The following SSMEM1 variants were observed in gnomAD, a reference collection of about 807,000 sequenced individuals.
SSMEM1 encodes serine-rich single-pass membrane protein 1.
SSMEM1 carries 12 observed loss-of-function variants against 9.9 expected under a neutral mutation model. That is an observed-to-expected ratio of 1.21 (90% confidence interval 0.78 to 1.96). The LOEUF (loss-of-function observed/expected upper bound fraction) is 1.96, where lower values mean the gene tolerates loss of function less well. SSMEM1 is among the 30% of genes most tolerant of loss of function. The pLI is 0.00. For missense variants in SSMEM1, 259 were observed against 292.2 expected (o/e 0.89, Z 0.83); for synonymous variants, 96 against 98.9 (o/e 0.97, Z 0.17).
chr7:130,207,722 G>T, upstream of SSMEM1: 1 of 707,090 alleles, frequency 1.4e-6, no homozygotes, highest in South Asian at 1.5e-5. Context: ...AACATTCAGA[G>T]GAGTAATTTG....
upstream of SSMEM1, among the ~76,000 whole-genome samples, chr7:130,206,684 T>G (rs537598267): frequency 6.6e-6 from 1 of 152,112 alleles, no homozygotes. Context: ...GGGCTCAAGG[T>G]GCAATCAAAA....
At position 130,213,511 on chromosome 7, in the gene SSMEM1, G is replaced by A. The variant is rs768526884; in HGVS notation, c.215G>A (p.Gly72Glu). The A allele has an allele frequency of 1.2e-6, 2 of 1,611,746 alleles. No homozygotes were observed. The highest frequency in any genetic ancestry group is 1.1e-5 in the South Asian group (1 of 90,914). ...GAGGATAAAAAGGATGAAGGCAGTG[G>A]GACAAGTACTTCAGTAAGGAAAGGT... ...MSEDKKDEGS[G>E]TSTSVRKASK... Residue 72 changes from glycine (G) to glutamate (E), a missense_variant, in exon 2 of 3, where the codon GGG becomes GAG. Coordinates refer to ENST00000297819, the MANE Select transcript of SSMEM1 (RefSeq NM_145268.4).
chr7:130,210,734 G>A (rs149191076), intron 1 of SSMEM1, among the ~76,000 whole-genome samples: 19 of 152,318 alleles, frequency 1.2e-4, no homozygotes, highest in African/African-American at 4.3e-4. Context: ...CACTCACTGA[G>A]TCACAAAGAC....
In SSMEM1 at chr7:130,208,103, CT is replaced by C; in HGVS notation, c.183+17del. ...TAGGGCTTCTGTCTGGGTAGGATAT[CT>C]TTTTTTCATTTTAAATAATATGTTT... On this transcript the variant is annotated intron_variant, in intron 1 of 2. Transcript: ENST00000297819. The C allele has an allele frequency of 1.9e-6, 3 of 1,586,562 alleles. No individual in the cohort carries two copies. The highest frequency in any genetic ancestry group is 1.2e-5 in the South Asian group (1 of 85,322).
chr7:130,213,973 C>T (rs967352929), intron 2 of SSMEM1, among the ~76,000 whole-genome samples: 1 of 152,152 alleles, frequency 6.6e-6, no homozygotes, highest in African/African-American at 2.4e-5. Flanking sequence ...AGCTCTCTCC[C>T]TTCACATTGC....
At chr7:130,205,658 AT>A (rs1798435657), upstream of SSMEM1, among the ~76,000 whole-genome samples, 1 of 152,176 alleles carries the variant, frequency 6.6e-6, no homozygotes, top group South Asian at 2.1e-4. Context: ...AACAAGCTGA[AT>A]TTTGTATCTA....
At chr7:130,215,260 T>C (rs1256794329) in intron 2 of SSMEM1, among the ~76,000 whole-genome samples, 2 of 152,000 alleles carry the variant, frequency 1.3e-5, no homozygotes, top group South Asian at 2.1e-4. Flanking sequence ...GCCGAGATCG[T>C]GCCACTGCAC....
chr7:130,208,434 C>A (rs1798529843), intron 1 of SSMEM1, among the ~76,000 whole-genome samples: 1 of 152,094 alleles, frequency 6.6e-6, no homozygotes, highest in South Asian at 2.1e-4. Context: ...TCATATCCTG[C>A]TTTTTAAGCT....
chr7:130,208,797 T>A (rs948662648), intron 1 of SSMEM1, among the ~76,000 whole-genome samples: 6 of 152,076 alleles, frequency 3.9e-5, no homozygotes, highest in African/African-American at 9.7e-5. Flanking sequence ...AATGCCATCG[T>A]CTTAAGAATG....
At chr7:130,207,564 G>T (rs1798510146), upstream of SSMEM1, among the ~76,000 whole-genome samples, 1 of 152,156 alleles carries the variant, frequency 6.6e-6, no homozygotes, top group Admixed American at 6.5e-5. Flanking sequence ...ATTTGCAATG[G>T]CATGATACAT....
intron 1 of SSMEM1, among the ~76,000 whole-genome samples, chr7:130,212,242 C>A (rs1798604961): frequency 6.6e-6 from 1 of 152,090 alleles, no homozygotes; most frequent in South Asian, 2.1e-4. Context: ...TGAAACTATT[C>A]AAAGAAATCC....
In SSMEM1 at chr7:130,216,455, A is replaced by C. The variant is rs1338504931; in HGVS notation, c.720A>C (p.Lys240Asn). Reference protein sequence around the residue: ...EESSISDINKKFSKF With the variant: ...EESSISDINKNFSKF Reference sequence around the variant, plus strand: ...GTTCCATATCTGACATTAACAAGAAATTTAGTAAATTTTGAATTTTATCAC... The same window carrying C: ...GTTCCATATCTGACATTAACAAGAACTTTAGTAAATTTTGAATTTTATCAC... Residue 240 changes from lysine to asparagine, a missense_variant, in exon 3 of 3, where the codon AAA becomes AAC. Transcript: ENST00000297819. 1 of 1,608,338 alleles carries C rather than the reference A, an allele frequency of 6.2e-7. No individual in the cohort carries two copies. The highest frequency in any genetic ancestry group is 1.1e-5 in the South Asian group (1 of 90,780).
chr7:130,205,595 A>G (rs1798433321), upstream of SSMEM1: 9 of 644,432 alleles, frequency 1.4e-5, no homozygotes, highest in Admixed American at 2.5e-4. Context: ...GGAGAAAGCT[A>G]AGCAGCAAAA....
intron 2 of SSMEM1, among the ~76,000 whole-genome samples, chr7:130,214,948 G>T (rs1798675107): frequency 6.6e-6 from 1 of 152,210 alleles, no homozygotes; most frequent in Non-Finnish European, 1.5e-5. Flanking sequence ...CTGATTTTAA[G>T]CTATCCACCT....
rs373212095 is a variant in SSMEM1 at position 130,216,057 on chromosome 7, C to T, written c.322C>T (p.Gln108Ter). ...SQTMKKPKQN[Q>*]LTPVTNSEVA... is the part of the protein sequence containing the mutation. ...AACAATGAAGAAACCAAAGCAGAAC[C>T]AACTTACCCCTGTAACCAACTCAGA... The change falls in exon 3 of 3, where the codon CAA (glutamine) becomes TAA (stop). Residue 108 changes from glutamine to a stop codon, truncating the protein, a stop_gained. Transcript: ENST00000297819. LOFTEE classifies it low-confidence loss of function (END_TRUNC). 1.3e-5 allele frequency: 21 copies of T among 1,614,076 alleles called. No individual in the cohort carries two copies. Among genetic ancestry groups the T allele is most frequent in the Non-Finnish European group, 1.8e-5 (21 of 1,180,040 alleles).
chr7:130,207,313 C>T (rs1302099059), upstream of SSMEM1, among the ~76,000 whole-genome samples: 1 of 152,164 alleles, frequency 6.6e-6, no homozygotes, highest in African/African-American at 2.4e-5. Flanking sequence ...TCTCCTGAGG[C>T]GGGTCTCCTT....
chr7:130,208,265 A>G (rs1472768291), intron 1 of SSMEM1, among the ~76,000 whole-genome samples, 172 bp downstream of exon 1: 1 of 152,210 alleles, frequency 6.6e-6, no homozygotes. Context: ...TGAAGAGGAA[A>G]ATATAAAGCT....
intron 2 of SSMEM1, 30 bp from the exon 3 acceptor site, chr7:130,215,944 A>G (rs777615289): frequency 1.9e-6 from 3 of 1,605,828 alleles, no homozygotes; most frequent in African/African-American, 1.3e-5. Context: ...CAACAATATT[A>G]CTAACTTGAT....
chr7:130,205,756 G>T (rs561772900), upstream of SSMEM1, among the ~76,000 whole-genome samples: 21 of 152,304 alleles, frequency 1.4e-4, no homozygotes, highest in African/African-American at 4.8e-4. Context: ...GGATAGAGTG[G>T]CGTGATAAAG....
Sources: allele counts gnomAD v4.1 joint callset (sites outside exome capture counted in the v4.1 genomes callset), GRCh38; gene constraint gnomAD v4.1.1; transcripts MANE v1.5; gene names NCBI Gene and HGNC (gene_info 2026-07-23, HGNC 2026-07-21).